Variants in UVSSA observed in about 807,000 individuals in gnomAD.
UVSSA encodes UV stimulated scaffold protein A.
UVSSA carries 72 observed loss-of-function variants against 73.9 expected under a neutral mutation model. The observed-to-expected ratio is 0.97, with a 90% CI of 0.81 to 1.19. UVSSA has a LOEUF of 1.19. Among genes scored for constraint, UVSSA ranks in the 50% most tolerant of loss-of-function variants. The pLI, the probability that UVSSA is intolerant of heterozygous loss-of-function variation, is 0.00. For missense variants in UVSSA, 1,150 were observed against 965.0 expected (o/e 1.19, Z -2.54); for synonymous variants, 454 against 391.3 (o/e 1.16, Z -1.89).
chr4:1,376,225 G>T, intron 10 of UVSSA, 57 bp downstream of exon 10: 1 of 1,534,106 alleles, frequency 6.5e-7, no homozygotes. Context: ...CCCAGCCTGA[G>T]GAGGGGGCTG....
In UVSSA at chr4:1,351,287, A is replaced by G. The variant is rs141514414; in HGVS notation, c.430-428A>G. On this transcript the variant is annotated intron_variant, in intron 3 of 13. Coordinates refer to ENST00000389851, the MANE Select transcript of UVSSA (RefSeq NM_020894.4). ...CACCGTGTTAGCCAGGATGGTCTCA[A>G]TCTCCTGACCTTGTGACCCACCTGC... Among the ~76,000 whole-genome samples the G allele has an allele frequency of 5.0e-4, 76 of 151,692 alleles. 1 individual carries two copies. The East Asian group carries it at 0.012, about 23-fold the overall frequency.
chr4:1,373,160 C>T (rs1169465071), intron 8 of UVSSA, among the ~76,000 whole-genome samples: 1 of 152,200 alleles, frequency 6.6e-6, no homozygotes, highest in Non-Finnish European at 1.5e-5. Context: ...TATTGAAAAT[C>T]TTGTGTCAAT....
At chr4:1,383,267 G>A (rs1165462969) in intron 12 of UVSSA, among the ~76,000 whole-genome samples, 1 of 152,254 alleles carries the variant, frequency 6.6e-6, no homozygotes, top group African/African-American at 2.4e-5. Context: ...GCCCTTTGCT[G>A]AGCATCATGC....
exon 14 of UVSSA, chr4:1,394,595 C>T: frequency 2.1e-6 from 3 of 1,424,518 alleles, no homozygotes; most frequent in Non-Finnish European, 1.9e-6. Flanking sequence ...GCTCATGTGC[C>T]CATGTGGAGT....
upstream of UVSSA, among the ~76,000 whole-genome samples, chr4:1,346,247 G>C (rs1253604707): frequency 2.6e-5 from 4 of 152,254 alleles, 1 homozygote; most frequent in Non-Finnish European, 5.9e-5. Context: ...CCACCGTAAT[G>C]CAAGGGCACG....
At chr4:1,370,891 C>G (rs76088401) in intron 8 of UVSSA, among the ~76,000 whole-genome samples, 2,493 of 152,320 alleles carry the variant, frequency 0.016, 77 homozygotes, top group African/African-American at 0.057. Context: ...CGGTGGCTCA[C>G]TCCTTGATTC....
chr4:1,375,628 C>A (rs1277373966), intron 9 of UVSSA, 120 bp downstream of exon 9: 6 of 1,458,970 alleles, frequency 4.1e-6, no homozygotes, highest in Non-Finnish European at 5.5e-6. Flanking sequence ...TGGTGGAAGC[C>A]TTGGGTGTGT....
chr4:1,349,935 T>A, intron 3 of UVSSA, 81 bp downstream of exon 3: 1 of 1,283,226 alleles, frequency 7.8e-7, no homozygotes, highest in Non-Finnish European at 1.0e-6. Context: ...AAGATGCGCC[T>A]CCTGTTGAAC....
intron 8 of UVSSA, 65 bp downstream of exon 8, chr4:1,366,496 T>G: frequency 1.6e-6 from 2 of 1,284,316 alleles, no homozygotes; most frequent in South Asian, 2.8e-5. Flanking sequence ...ATGTGGCCCC[T>G]TGGGGTCATG....
intron 6 of UVSSA, 64 bp from the exon 7 acceptor site, chr4:1,355,053 A>C (rs1715484675): frequency 6.3e-7 from 1 of 1,592,974 alleles, no homozygotes; most frequent in Non-Finnish European, 8.6e-7. Context: ...TGTGCCTCCC[A>C]GCAGGACAGC....
At chr4:1,390,622 A>C (rs1720389883), downstream of UVSSA, 1 of 152,260 alleles carries the variant, frequency 6.6e-6, no homozygotes, top group Non-Finnish European at 1.5e-5. Flanking sequence ...ATGGCTAAAA[A>C]ACATAGATTG....
At chr4:1,385,678 T>C in intron 13 of UVSSA, 190 bp from the exon 14 acceptor site, 1 of 617,070 alleles carries the variant, frequency 1.6e-6, no homozygotes. Flanking sequence ...TCTAAGCCTG[T>C]CTGTCTCGGG....
chr4:1,394,327 C>G (rs6599309), exon 14 of UVSSA: 759,394 of 1,084,188 alleles, frequency 0.7, 268,275 homozygotes, highest in African/African-American at 0.92. Context: ...TTGTGTTCTA[C>G]TTAGAATGCT....
rs1714009029 is a variant in UVSSA, at chr4:1,348,138, G to A, written c.47G>A (p.Gly16Glu). The change falls in exon 2 of 14, where the codon GGA becomes GAA. Residue 16 changes from glycine to glutamate, a missense_variant. Physicochemically the swap from Gly to Glu is moderately conservative, Grantham distance 98 (BLOSUM62 -2). Coordinates refer to ENST00000389851, the MANE Select transcript of UVSSA (RefSeq NM_020894.4). ...TTGGTAGAAGAGCTCACAACTTCAGGAGAACCCCGACTAAATCCTGAGAAA... is the reference window on the plus strand; with the variant it reads ...TTGGTAGAAGAGCTCACAACTTCAGAAGAACCCCGACTAAATCCTGAGAAA... ...SKLVEELTTS[G>E]EPRLNPEKMK... 6.2e-7 allele frequency: 1 copy of A among 1,613,854 alleles called. No homozygotes were observed. The highest frequency in any genetic ancestry group is 1.3e-5 in the African/African-American group (1 of 75,020).
intron 8 of UVSSA, among the ~76,000 whole-genome samples, chr4:1,366,710 G>C (rs1371125760): frequency 1.3e-5 from 2 of 152,216 alleles, no homozygotes; most frequent in East Asian, 3.9e-4. Context: ...TGGTGGTCCT[G>C]CTGGTCCTCC....
intron 2 of UVSSA, 136 bp from the exon 3 acceptor site, chr4:1,349,388 A>T: frequency 1.2e-6 from 1 of 844,542 alleles, no homozygotes; most frequent in Non-Finnish European, 1.8e-6. Context: ...ACCCTGCTCT[A>T]GAAAAGGGGA....
At chr4:1,355,743 C>T (rs1395589381) in intron 7 of UVSSA, among the ~76,000 whole-genome samples, 1 of 152,118 alleles carries the variant, frequency 6.6e-6, no homozygotes, top group Non-Finnish European at 1.5e-5. Flanking sequence ...GGGCACTGCA[C>T]TTCCCTGAGC....
At chr4:1,376,822 G>T (rs948629897) in intron 10 of UVSSA, among the ~76,000 whole-genome samples, 5 of 152,302 alleles carry the variant, frequency 3.3e-5, no homozygotes, top group African/African-American at 1.2e-4. Context: ...AGCTCCTGCC[G>T]CAGGACGGTT....
chr4:1,380,867 C>T lies in UVSSA; in HGVS notation c.1753-13C>T. 3 of 1,609,266 alleles carry T rather than the reference C, an allele frequency of 1.9e-6. No homozygotes were observed. The highest frequency in any genetic ancestry group is 1.7e-6 in the Non-Finnish European group (2 of 1,177,150). On this transcript the variant is annotated splice_polypyrimidine_tract_variant and intron_variant, in intron 11 of 13. Coordinates refer to ENST00000389851, the MANE Select transcript of UVSSA (RefSeq NM_020894.4). ...CCCTCCCCGCCATCAGCCACCGTGT[C>T]CTCGCTGTGCAGTGCCCTTTCCATG...
Sources: allele counts gnomAD v4.1 joint callset (sites outside exome capture counted in the v4.1 genomes callset), GRCh38; gene constraint gnomAD v4.1.1; transcripts MANE v1.5; gene names NCBI Gene and HGNC (gene_info 2026-07-23, HGNC 2026-07-21).